Variants in THRB observed in about 807,000 individuals in gnomAD.
THRB encodes the protein nuclear receptor subfamily 1 group A member 2.
THRB carries 12 observed loss-of-function variants against 47.8 expected under a neutral mutation model. The ratio of observed to expected loss-of-function variants is 0.25; its 90% CI spans 0.16 to 0.41. The LOEUF (loss-of-function observed/expected upper bound fraction) is 0.41, where lower values mean the gene tolerates loss of function less well. Ranked by LOEUF, THRB falls within the 10% of genes least tolerant of loss-of-function variation. The pLI, the probability that THRB is intolerant of heterozygous loss-of-function variation, is 1.00. For missense variants in THRB, 348 were observed against 589.2 expected, an observed-to-expected ratio of 0.59 and a Z score of 4.24; for synonymous variants, 218 against 212.2, an observed-to-expected ratio of 1.03 and a Z score of -0.24.
intron 1 of THRB, among the ~76,000 whole-genome samples, chr3:24,411,476 G>A (rs2068288674): frequency 6.6e-6 from 1 of 151,546 alleles, no homozygotes; most frequent in Non-Finnish European, 1.5e-5. Flanking sequence ...AGAATGCCCT[G>A]GGGTTAATTT....
chr3:24,201,261 G>T (rs1185074640), intron 4 of THRB, among the ~76,000 whole-genome samples: 3 of 152,012 alleles, frequency 2.0e-5, no homozygotes, highest in African/African-American at 7.3e-5. Context: ...CTGGAGAGGG[G>T]GTCTGGCAGT....
At chr3:24,389,904 G>T (rs753044460) in intron 1 of THRB, among the ~76,000 whole-genome samples, 1 of 152,158 alleles carries the variant, frequency 6.6e-6, no homozygotes, top group Non-Finnish European at 1.5e-5. Flanking sequence ...GTCCACAAGA[G>T]ATGCAGTTGA....
At chr3:24,141,849 T>C (rs1419271828) in intron 8 of THRB, among the ~76,000 whole-genome samples, 1 of 152,198 alleles carries the variant, frequency 6.6e-6, no homozygotes, top group Non-Finnish European at 1.5e-5. Flanking sequence ...ACAATGTCCA[T>C]TTATGGGTGA....
At chr3:24,336,631 CAGA>C (rs1349011885) in intron 2 of THRB, among the ~76,000 whole-genome samples, 3 of 152,004 alleles carry the variant, frequency 2.0e-5, no homozygotes, top group African/African-American at 7.3e-5. Context: ...AAGGCAAATT[CAGA>C]AGACTTGCTA....
At chr3:24,244,578 G>T (rs963587868) in intron 3 of THRB, among the ~76,000 whole-genome samples, 2 of 152,096 alleles carry the variant, frequency 1.3e-5, no homozygotes, top group African/African-American at 4.8e-5. Context: ...AGGCCTCCAG[G>T]TCAGTTTTGG....
rs139637999 is a variant in THRB, at chr3:24,491,514, A to T, written c.-261+3138T>A. Among the ~76,000 whole-genome samples, 817 of 152,358 alleles carry T rather than the reference A, an allele frequency of 5.4e-3. 9 individuals carry two copies. The highest frequency in any genetic ancestry group is 0.018 in the African/African-American group (755 of 41,586). On this transcript the variant is annotated intron_variant, in intron 1 of 10. Coordinates refer to ENST00000646209, the MANE Select transcript of THRB (RefSeq NM_001354712.2). Reference sequence around the variant, plus strand: ...TGAAGCGGCAAAAGAGGGCAAAAAGAGGCTGGCTGACTTAACTAATAACAT... The same window carrying T: ...TGAAGCGGCAAAAGAGGGCAAAAAGTGGCTGGCTGACTTAACTAATAACAT...
At chr3:24,231,609 T>C (rs1286092972) in intron 3 of THRB, among the ~76,000 whole-genome samples, 4 of 152,130 alleles carry the variant, frequency 2.6e-5, no homozygotes, top group East Asian at 1.9e-4. Context: ...ATTTAGTATT[T>C]AGTAGTATTT....
At chr3:24,324,773 A>G (rs1292891712) in intron 2 of THRB, among the ~76,000 whole-genome samples, 1 of 152,236 alleles carries the variant, frequency 6.6e-6, no homozygotes, top group African/African-American at 2.4e-5. Flanking sequence ...AGGTCCATGT[A>G]ATCTGTTGGT....
At chr3:24,296,979 A>G (rs1425411539) in intron 3 of THRB, among the ~76,000 whole-genome samples, 1 of 152,216 alleles carries the variant, frequency 6.6e-6, no homozygotes, top group Non-Finnish European at 1.5e-5. Context: ...CTTCCTTCAT[A>G]AACAATGAGT....
At chr3:24,325,010 C>G (rs959412280) in intron 2 of THRB, among the ~76,000 whole-genome samples, 1 of 152,170 alleles carries the variant, frequency 6.6e-6, no homozygotes, top group East Asian at 1.9e-4. Context: ...TCAGCAGGCT[C>G]TTATGTAGTC....
At chr3:24,192,199 G>A (rs190717614) in intron 4 of THRB, among the ~76,000 whole-genome samples, 7 of 152,246 alleles carry the variant, frequency 4.6e-5, no homozygotes, top group East Asian at 1.9e-4. Context: ...TTGAAAGATC[G>A]TATTGCATTT....
intron 1 of THRB, among the ~76,000 whole-genome samples, chr3:24,380,736 G>A (rs956087629): frequency 6.6e-6 from 1 of 152,148 alleles, no homozygotes; most frequent in Non-Finnish European, 1.5e-5. Flanking sequence ...CTGAAAAACA[G>A]AAGGTAGCAA....
At chr3:24,308,432 T>C (rs1012824366) in intron 2 of THRB, among the ~76,000 whole-genome samples, 1 of 152,130 alleles carries the variant, frequency 6.6e-6, no homozygotes, top group Non-Finnish European at 1.5e-5. Context: ...CTATGTAAAA[T>C]CACTGGTGGA....
At chr3:24,206,086 G>C (rs1299959470) in intron 4 of THRB, among the ~76,000 whole-genome samples, 1 of 152,168 alleles carries the variant, frequency 6.6e-6, no homozygotes, top group African/African-American at 2.4e-5. Context: ...ACATTAGACA[G>C]ATCAACGAGA....
intron 1 of THRB, among the ~76,000 whole-genome samples, chr3:24,437,806 T>C (rs1467460054): frequency 6.6e-6 from 1 of 151,850 alleles, no homozygotes; most frequent in Non-Finnish European, 1.5e-5. Flanking sequence ...AAAAACTAAA[T>C]TTACCCAGCA....
intron 1 of THRB, among the ~76,000 whole-genome samples, chr3:24,450,736 CT>C (rs35351038): frequency 6.6e-6 from 1 of 151,838 alleles, no homozygotes; most frequent in African/African-American, 2.4e-5. Context: ...GTAGGCTCAG[CT>C]TTTTTTTGAG....
chr3:24,309,846 G>C (rs914610402), intron 2 of THRB, among the ~76,000 whole-genome samples: 1 of 152,122 alleles, frequency 6.6e-6, no homozygotes. Flanking sequence ...TGTAAAATAC[G>C]TAGGATGTAT....
At chr3:24,124,997 C>T (rs1244973452) in intron 10 of THRB, among the ~76,000 whole-genome samples, 1 of 152,186 alleles carries the variant, frequency 6.6e-6, no homozygotes, top group African/African-American at 2.4e-5. Context: ...CATGAGAGAA[C>T]TGGGAAGAAT....
intron 1 of THRB, among the ~76,000 whole-genome samples, chr3:24,492,942 T>C (rs1698392187): frequency 6.6e-6 from 1 of 152,246 alleles, no homozygotes; most frequent in Non-Finnish European, 1.5e-5. Context: ...CAAACTGTAT[T>C]TACTAGCAGA....
Sources: gnomAD v4.1 joint callset for allele counts (sites outside exome capture counted in the v4.1 genomes callset) on GRCh38, gnomAD v4.1.1 for gene constraint, MANE v1.5 for transcripts, NCBI Gene and HGNC (gene_info 2026-07-23, HGNC 2026-07-21) for gene names.